The following ADARB2 variants were observed in gnomAD, a reference collection of about 807,000 sequenced individuals.
The protein encoded by ADARB2 is adenosine deaminase RNA specific B2 (inactive).
In ADARB2, 25 loss-of-function variants were observed where a neutral mutation model predicts 62.2. That is an observed-to-expected ratio of 0.40 (90% CI 0.29 to 0.56). ADARB2 has a LOEUF of 0.56. Among genes scored for constraint, ADARB2 ranks in the 20% least tolerant of loss-of-function variants. ADARB2 has a pLI of 0.43. For missense variants in ADARB2, 1,071 were observed against 1,077.4 expected, an observed-to-expected ratio of 0.99 and a Z score of 0.08; for synonymous variants, 572 against 500.8, an observed-to-expected ratio of 1.14 and a Z score of -1.90.
chr10:1,393,245 T>C (rs1832585511), intron 1 of ADARB2, among the ~76,000 whole-genome samples: 1 of 152,252 alleles, frequency 6.6e-6, no homozygotes. Flanking sequence ...GGGTACATAG[T>C]AGGTGCATCT....
chr10:1,187,978 G>T, intron 8 of ADARB2: 1 of 215,968 alleles, frequency 4.6e-6, no homozygotes. Context: ...AGCCCCGCAG[G>T]CTACTGTTTA....
chr10:1,359,797 G>A (rs1397319774), intron 3 of ADARB2, among the ~76,000 whole-genome samples: 2 of 152,192 alleles, frequency 1.3e-5, no homozygotes, highest in Admixed American at 6.5e-5. Context: ...CAACAGTGTG[G>A]GTCTCTGACC....
chr10:1,588,561 G>A (rs1463146374), intron 1 of ADARB2, among the ~76,000 whole-genome samples: 1 of 152,218 alleles, frequency 6.6e-6, no homozygotes, highest in African/African-American at 2.4e-5. Context: ...GGCACCAAGA[G>A]TCACCCTTCT....
chr10:1,352,477 G>A (rs893286676), intron 3 of ADARB2, among the ~76,000 whole-genome samples: 15 of 152,112 alleles, frequency 9.9e-5, no homozygotes, highest in Non-Finnish European at 1.9e-4. Context: ...CAGCTGAAGT[G>A]CAGGGCTGTG....
chr10:1,576,642 A>T (rs773102748), intron 1 of ADARB2, among the ~76,000 whole-genome samples: 12 of 152,004 alleles, frequency 7.9e-5, no homozygotes, highest in Non-Finnish European at 1.5e-4. Context: ...CCCCGTTTGG[A>T]GACAGGTGAT....
At position 1,595,046 on chromosome 10, in the gene ADARB2, C is replaced by T. The variant is rs118011345; in HGVS notation, c.100+142005G>A. On this transcript the variant is annotated intron_variant, in intron 1 of 9. Coordinates refer to ENST00000381312, the MANE Select transcript of ADARB2 (RefSeq NM_018702.4). Reference sequence around the variant, plus strand: ...TTGGTGGCTCATTCCTAGACCTGCCCGCCCAGCACAGACAATGCAGGGAGC... The same window carrying T: ...TTGGTGGCTCATTCCTAGACCTGCCTGCCCAGCACAGACAATGCAGGGAGC... Among the ~76,000 whole-genome samples the T allele has an allele frequency of 1.9e-3, 283 of 152,282 alleles. 6 individuals are homozygous for T. The East Asian group carries it at 0.051, about 27-fold the overall frequency.
chr10:1,472,383 C>T (rs758596338), intron 1 of ADARB2, among the ~76,000 whole-genome samples: 13 of 151,754 alleles, frequency 8.6e-5, no homozygotes, highest in Admixed American at 3.3e-4. Flanking sequence ...GAGGGCCACG[C>T]GGCTCAGGGG....
intron 3 of ADARB2, among the ~76,000 whole-genome samples, chr10:1,304,216 G>T (rs1206973984): frequency 6.6e-6 from 1 of 152,104 alleles, no homozygotes; most frequent in Non-Finnish European, 1.5e-5. Flanking sequence ...AAAGGCAAGG[G>T]TTGCAATCCT....
In ADARB2 at chr10:1,589,515, C is replaced by T. The variant is rs543626719; in HGVS notation, c.100+147536G>A. Among the ~76,000 whole-genome samples the T allele has an allele frequency of 2.0e-5, 3 of 152,276 alleles. No homozygotes were observed. In the East Asian group the frequency reaches 5.8e-4, roughly 29 times the overall value. On this transcript the variant is annotated intron_variant, in intron 1 of 9. Transcript: ENST00000381312. ...GTCAGGACATCCACGGTCGGGGCGT[C>T]CATGGTCCAGGCGTCCACAGTCTGG... is the stretch of plus-strand genomic sequence containing the variant.
chr10:1,334,678 A>C (rs1013143429), intron 3 of ADARB2, among the ~76,000 whole-genome samples: 6 of 152,234 alleles, frequency 3.9e-5, no homozygotes, highest in African/African-American at 1.4e-4. Context: ...TTTACAAATA[A>C]AGTTTCTTCA....
chr10:1,480,476 G>A (rs533467937), intron 1 of ADARB2, among the ~76,000 whole-genome samples: 4 of 152,222 alleles, frequency 2.6e-5, no homozygotes, highest in East Asian at 1.9e-4. Flanking sequence ...AGGCGGGCGG[G>A]TCACTAGGTC....
At position 1,656,546 on chromosome 10, in the gene ADARB2, G is replaced by A. The variant is rs541954634; in HGVS notation, c.100+80505C>T. On this transcript the variant is annotated intron_variant, in intron 1 of 9. Coordinates refer to ENST00000381312, the MANE Select transcript of ADARB2 (RefSeq NM_018702.4). ...AGAGAAAAAGGGAGAGAGAGAGAGA[G>A]AGAGCTGCTAATAATATACAACTCT... Among the ~76,000 whole-genome samples, 10 of 152,200 alleles carry A rather than the reference G, an allele frequency of 6.6e-5. No homozygotes were observed. In the East Asian group the frequency reaches 1.9e-3, roughly 29 times the overall value.
chr10:1,470,284 T>C (rs1564299284), intron 1 of ADARB2, among the ~76,000 whole-genome samples: 1 of 152,242 alleles, frequency 6.6e-6, no homozygotes, highest in Admixed American at 6.5e-5. Context: ...TGTGCTTATG[T>C]ACTTTATCAA....
intron 1 of ADARB2, among the ~76,000 whole-genome samples, chr10:1,666,000 A>T (rs1588344650): frequency 7.1e-6 from 1 of 141,112 alleles, no homozygotes; most frequent in Admixed American, 7.3e-5. Flanking sequence ...GCCTGCAGGG[A>T]GCTGGGGCCC....
Position 1,730,382 on chromosome 10 carries a change from T to C in ADARB2, c.100+6669A>G, listed in dbSNP as rs373063335. 3.9e-5 allele frequency among the ~76,000 whole-genome samples: 6 copies of C among 152,338 alleles called. No individual in the cohort carries two copies. In the East Asian group the frequency reaches 1.2e-3, roughly 29 times the overall value. On this transcript the variant is annotated intron_variant, in intron 1 of 9. Transcript: ENST00000381312. ...TTTCTGATCCGTGGGAGATTTTGCT[T>C]GTACACAGTGTGGCCCTCTTCCGCG...
intron 1 of ADARB2, among the ~76,000 whole-genome samples, chr10:1,718,393 T>G (rs1175682119): frequency 6.6e-6 from 1 of 152,178 alleles, no homozygotes; most frequent in Non-Finnish European, 1.5e-5. Context: ...CCCAGTGTTC[T>G]TGGGCACCTG....
intron 1 of ADARB2, among the ~76,000 whole-genome samples, chr10:1,635,105 A>G (rs191002869): frequency 6.6e-6 from 1 of 152,388 alleles, no homozygotes; most frequent in Non-Finnish European, 1.5e-5. Context: ...GAAAGAGTCT[A>G]TGGCATTTTT....
At chr10:1,545,531 G>C (rs879895337) in intron 1 of ADARB2, among the ~76,000 whole-genome samples, 3 of 152,154 alleles carry the variant, frequency 2.0e-5, no homozygotes, top group Non-Finnish European at 4.4e-5. Context: ...TGCGAATTTT[G>C]TCTCTTCCCT....
chr10:1,309,684 T>C (rs954583921), intron 3 of ADARB2, among the ~76,000 whole-genome samples: 1 of 152,236 alleles, frequency 6.6e-6, no homozygotes, highest in Admixed American at 6.5e-5. Flanking sequence ...GATGAGCCAC[T>C]AGGCTCTGGT....
Sources: allele counts gnomAD v4.1 joint callset (sites outside exome capture counted in the v4.1 genomes callset), GRCh38; gene constraint gnomAD v4.1.1; transcripts MANE v1.5; gene names NCBI Gene and HGNC (gene_info 2026-07-23, HGNC 2026-07-21).